Variants in TUBA1C observed in about 807,000 individuals in gnomAD.
The protein encoded by TUBA1C is tubulin alpha-1C chain.
TUBA1C carries 16 observed loss-of-function variants against 34.9 expected under a neutral mutation model. That is an observed-to-expected ratio of 0.46 (90% CI 0.31 to 0.70). TUBA1C has a LOEUF of 0.70. TUBA1C is among the 30% of genes least tolerant of loss of function. The pLI is 0.05. For missense variants in TUBA1C, 329 were observed against 587.3 expected (o/e 0.56, Z 4.55); for synonymous variants, 177 against 215.9 (o/e 0.82, Z 1.58).
Position 49,272,892 on chromosome 12 carries a change from C to T in TUBA1C, c.1015C>T (p.Arg339Cys), listed in dbSNP as rs756957516. Residue 339 changes from arginine (R) to cysteine (C), a missense_variant, in exon 4 of 4, where the codon CGT becomes TGT. By Grantham distance (180) the Arg-to-Cys change is radical. This residue lies in a region of TUBA1C where 140 missense variants were observed against 289.8 expected (regional missense o/e 0.48). Coordinates refer to ENST00000301072, the MANE Select transcript of TUBA1C (RefSeq NM_032704.5). The part of the protein sequence containing the change: ...NAAIATIKTK[R>C]TIQFVDWCPT... Reference sequence around the variant, plus strand: ...TGCCATTGCCACCATCAAAACCAAGCGTACCATCCAGTTTGTGGATTGGTG... The same window carrying T: ...TGCCATTGCCACCATCAAAACCAAGTGTACCATCCAGTTTGTGGATTGGTG... 5 of 1,614,038 alleles carry T rather than the reference C, an allele frequency of 3.1e-6. No individual in the cohort carries two copies. The highest frequency in any genetic ancestry group is 3.3e-5 in the Admixed American group (2 of 59,998).
chr12:49,272,689 C>A lies in TUBA1C; in HGVS notation c.812C>A (p.Thr271Lys). The A allele has an allele frequency of 1.2e-6, 2 of 1,612,402 alleles. No individual in the cohort carries two copies. Among genetic ancestry groups the A allele is most frequent in the Non-Finnish European group, 8.5e-7 (1 of 1,179,860 alleles). Reference sequence around the variant, plus strand: ...CCCCGCATCCACTTCCCTCTGGCCACATATGCCCCTGTCATCTCTGCTGAG... The same window carrying A: ...CCCCGCATCCACTTCCCTCTGGCCAAATATGCCCCTGTCATCTCTGCTGAG... ...PYPRIHFPLA[T>K]YAPVISAEKA... Residue 271 changes from threonine (T) to lysine (K), a missense_variant, in exon 4 of 4, where the codon ACA becomes AAA. This residue lies in a region of TUBA1C where 140 missense variants were observed against 289.8 expected (regional missense o/e 0.48). Coordinates refer to ENST00000301072, the MANE Select transcript of TUBA1C (RefSeq NM_032704.5).
intron 1 of TUBA1C, among the ~76,000 whole-genome samples, chr12:49,258,659 C>T (rs1041646128): frequency 1.3e-5 from 2 of 151,784 alleles, no homozygotes; most frequent in Non-Finnish European, 2.9e-5. Flanking sequence ...AACCCCTGAC[C>T]TCAGGTGATC....
At chr12:49,265,223 T>C (rs1053656291) in intron 1 of TUBA1C, 39 bp downstream of exon 1, 1 of 1,562,874 alleles carries the variant, frequency 6.4e-7, no homozygotes, top group Non-Finnish European at 8.8e-7. Flanking sequence ...AGAGTGCGCG[T>C]CCCAGGGGAC....
At chr12:49,242,648 T>C (rs1047888567) in intron 1 of TUBA1C, among the ~76,000 whole-genome samples, 1 of 150,518 alleles carries the variant, frequency 6.6e-6, no homozygotes, top group Non-Finnish European at 1.5e-5. Flanking sequence ...CCAGCTAATT[T>C]TTTTGTTGTT....
chr12:49,236,873 C>T (rs775133640), intron 1 of TUBA1C, among the ~76,000 whole-genome samples: 9 of 152,062 alleles, frequency 5.9e-5, no homozygotes, highest in Non-Finnish European at 8.8e-5. Flanking sequence ...TGATACAGTC[C>T]GGATTATGAT....
Position 49,266,804 on chromosome 12 carries a change from G to T in TUBA1C, c.3+1620G>T, listed in dbSNP as rs190777352. ...GTGGAAGCTGCAGTGAGCCCAGATC[G>T]CACCACTGCACTCCAGCGAGACCTT... On this transcript the variant is annotated intron_variant, in intron 1 of 3. Coordinates refer to ENST00000301072, the MANE Select transcript of TUBA1C (RefSeq NM_032704.5). 1.4e-3 allele frequency among the ~76,000 whole-genome samples: 219 copies of T among 152,226 alleles called. 1 individual carries two copies. Among genetic ancestry groups the T allele is most frequent in the African/African-American group, 5.1e-3 (212 of 41,512 alleles).
chr12:49,229,251 G>A (rs1027375295), intron 1 of TUBA1C, among the ~76,000 whole-genome samples: 4 of 152,118 alleles, frequency 2.6e-5, no homozygotes, highest in South Asian at 2.1e-4. Flanking sequence ...TCGGCTCACT[G>A]CAACCTCTGC....
intron 1 of TUBA1C, among the ~76,000 whole-genome samples, chr12:49,268,088 T>TGA (rs1299531243): frequency 2.0e-5 from 3 of 151,390 alleles, no homozygotes; most frequent in African/African-American, 4.9e-5. Flanking sequence ...TATATATCTA[T>TGA]GAGAGAGAGA....
intron 1 of TUBA1C, among the ~76,000 whole-genome samples, chr12:49,269,242 T>C (rs1686399317): frequency 6.6e-6 from 1 of 152,064 alleles, no homozygotes; most frequent in Non-Finnish European, 1.5e-5. Context: ...TTTGTATTTT[T>C]AGTAGAGATG....
chr12:49,244,058 G>C (rs953013266), intron 1 of TUBA1C, among the ~76,000 whole-genome samples: 13 of 150,354 alleles, frequency 8.6e-5, no homozygotes, highest in African/African-American at 3.2e-4. Context: ...GCTGAGGCAC[G>C]ATAATCACTT....
At chr12:49,233,136 G>A (rs2136985927) in intron 1 of TUBA1C, 1 of 152,396 alleles carries the variant, frequency 6.6e-6, no homozygotes, top group South Asian at 2.1e-4. Flanking sequence ...TGCCGCCGGG[G>A]AGGCTCAAAG....
At chr12:49,228,349 T>C (rs758151929) in intron 1 of TUBA1C, among the ~76,000 whole-genome samples, 16 of 152,206 alleles carry the variant, frequency 1.1e-4, no homozygotes, top group Non-Finnish European at 1.6e-4. Flanking sequence ...AGGCTTATTA[T>C]TGGAATATTG....
chr12:49,269,658 T>C lies in TUBA1C; in HGVS notation c.197T>C (p.Val66Ala). The C allele has an allele frequency of 3.7e-6, 6 of 1,614,140 alleles. No individual in the cohort carries two copies. The highest frequency in any genetic ancestry group is 1.1e-5 in the South Asian group (1 of 91,076). ...GCTGGCAAGCATGTGCCCCGGGCAG[T>C]GTTTGTAGACTTGGAACCCACAGTC... ...TGAGKHVPRA[V>A]FVDLEPTVID... Residue 66 changes from valine to alanine, a missense_variant, in exon 2 of 4, where the codon GTG becomes GCG. Coordinates refer to ENST00000301072, the MANE Select transcript of TUBA1C (RefSeq NM_032704.5).
At chr12:49,244,722 A>G (rs1942650727) in intron 1 of TUBA1C, among the ~76,000 whole-genome samples, 1 of 152,104 alleles carries the variant, frequency 6.6e-6, no homozygotes, top group Admixed American at 6.6e-5. Flanking sequence ...AATATCAAAG[A>G]GTTTTCATGA....
At chr12:49,252,970 C>G (rs1942745808) in intron 1 of TUBA1C, among the ~76,000 whole-genome samples, 1 of 149,190 alleles carries the variant, frequency 6.7e-6, no homozygotes, top group African/African-American at 2.5e-5. Flanking sequence ...GTAATCCCAG[C>G]CACTTGGGGA....
Position 49,270,077 on chromosome 12 carries a change from C to T in TUBA1C, c.375+101C>T, listed in dbSNP as rs761876275. 177 of 1,600,920 alleles carry T rather than the reference C, an allele frequency of 1.1e-4. 1 individual carries two copies. The Middle Eastern group carries it at 1.7e-3, about 16-fold the overall frequency. ...TTTGCAACTAAAATGAGACTATTTG[C>T]ATTGCAACTAAAATGTATCTGTTCA... is the stretch of plus-strand genomic sequence containing the variant. On this transcript the variant is annotated intron_variant, in intron 3 of 3. Coordinates refer to ENST00000301072, the MANE Select transcript of TUBA1C (RefSeq NM_032704.5).
chr12:49,266,456 A>G (rs964637061), intron 1 of TUBA1C, among the ~76,000 whole-genome samples: 1 of 152,150 alleles, frequency 6.6e-6, no homozygotes, highest in East Asian at 1.9e-4. Context: ...CGCAAACCCC[A>G]GAGTAAACTA....
At chr12:49,264,206 C>CAA (rs1942868941), upstream of TUBA1C, among the ~76,000 whole-genome samples, 1 of 144,698 alleles carries the variant, frequency 6.9e-6, no homozygotes, top group Non-Finnish European at 1.5e-5. Flanking sequence ...GGTGACAGAA[C>CAA]GAGACTCCGT....
upstream of TUBA1C, among the ~76,000 whole-genome samples, chr12:49,263,121 T>A (rs1286324610): frequency 6.6e-6 from 1 of 151,612 alleles, no homozygotes; most frequent in Non-Finnish European, 1.5e-5. Flanking sequence ...CCTCCCAGGT[T>A]CAAGTAATTC....
Sources: gnomAD v4.1 joint callset for allele counts (sites outside exome capture counted in the v4.1 genomes callset) on GRCh38, gnomAD v4.1.1 for gene constraint, gnomAD v4.1.1 regional missense constraint, MANE v1.5 for transcripts, NCBI Gene and HGNC (gene_info 2026-07-23, HGNC 2026-07-21) for gene names.